The following FAT4 variants were observed in gnomAD, a reference collection of about 807,000 sequenced individuals.
The protein encoded by FAT4 is protocadherin Fat 4.
Under a neutral mutation model 303.9 loss-of-function variants are expected in FAT4, and 84 were observed. The observed-to-expected ratio is 0.28, with a 90% CI of 0.23 to 0.33. The LOEUF (loss-of-function observed/expected upper bound fraction) is 0.33. FAT4 is among the 10% of genes least tolerant of loss of function. The pLI is 1.00. For synonymous variants in FAT4, 2,307 were observed against 2,298.8 expected, an observed-to-expected ratio of 1.00 and a Z score of -0.10; for missense variants, 6,005 against 6,146.8, an observed-to-expected ratio of 0.98 and a Z score of 0.77.
intron 7 of FAT4, among the ~76,000 whole-genome samples, chr4:125,429,634 G>A (rs1725214127): frequency 3.3e-5 from 5 of 152,136 alleles, no homozygotes; most frequent in Admixed American, 6.5e-5. Context: ...AGCAATACAT[G>A]TATAAAATAT....
chr4:125,447,970 A>G (rs992741316), intron 9 of FAT4, among the ~76,000 whole-genome samples: 2 of 152,140 alleles, frequency 1.3e-5, no homozygotes, highest in African/African-American at 4.8e-5. Context: ...CAGTGGGGAC[A>G]AGGAATAAAT....
chr4:125,406,939 C>G lies in FAT4; in HGVS notation c.5367C>G (p.Ile1789Met), dbSNP rs144922340. 1.2e-6 allele frequency: 2 copies of G among 1,613,690 alleles called. No individual in the cohort carries two copies. The highest frequency in any genetic ancestry group is 1.7e-5 in the Admixed American group (1 of 59,948). ...GTGGAGCTGATGATAGTTTTCGCAT[C>G]GACCCAGAATCCGGAGATCTGATAG... Reference protein sequence around the residue: ...IISGADDSFRIDPESGDLIAT... With the variant: ...IISGADDSFRMDPESGDLIAT... Residue 1789 changes from isoleucine to methionine, a missense_variant, in exon 4 of 18, where the codon ATC becomes ATG. Ile to Met is a conservative substitution (Grantham distance 10, BLOSUM62 1). Coordinates refer to ENST00000394329, the MANE Select transcript of FAT4 (RefSeq NM_001291303.3).
intron 3 of FAT4, among the ~76,000 whole-genome samples, chr4:125,402,989 AT>A (rs1431890389): frequency 6.6e-6 from 1 of 151,996 alleles, no homozygotes; most frequent in Admixed American, 6.6e-5. Flanking sequence ...CTGATACTGT[AT>A]TTTCCCATGG....
intron 7 of FAT4, among the ~76,000 whole-genome samples, chr4:125,421,143 G>A (rs1438573497): frequency 1.3e-5 from 2 of 152,044 alleles, no homozygotes; most frequent in African/African-American, 2.4e-5. Flanking sequence ...GGCTGGTCTC[G>A]AACCCCTGAG....
rs28515675 is a variant in FAT4, at chr4:125,468,677, G to A, written c.12071G>A (p.Arg4024Gln). Reference sequence around the variant, plus strand: ...AACTATGACAACCAGACAGGCGACCGGGCTGAGTTTTTGGCCCTTGAAATT... The same window carrying A: ...AACTATGACAACCAGACAGGCGACCAGGCTGAGTTTTTGGCCCTTGAAATT... ...LYNYDNQTGD[R>Q]AEFLALEIAE... The change falls in exon 12 of 18, where the codon CGG (arginine) becomes CAG (glutamine). Residue 4024 changes from arginine to glutamine, a missense_variant. Coordinates refer to ENST00000394329, the MANE Select transcript of FAT4 (RefSeq NM_001291303.3). 2,140 of 1,614,078 alleles carry A rather than the reference G, an allele frequency of 1.3e-3. 31 individuals carry two copies. In the African/African-American group the frequency reaches 0.024, roughly 18 times the overall value.
intron 7 of FAT4, among the ~76,000 whole-genome samples, chr4:125,417,314 T>C (rs1735114654): frequency 6.6e-6 from 1 of 151,980 alleles, no homozygotes; most frequent in South Asian, 2.1e-4. Flanking sequence ...GGTGAGTGAG[T>C]CTGTTAGGAG....
chr4:125,453,369 C>T (rs17009686), intron 10 of FAT4, among the ~76,000 whole-genome samples: 3,252 of 152,190 alleles, frequency 0.021, 127 homozygotes, highest in African/African-American at 0.075. Context: ...ATGTGATCCA[C>T]ATCGTGAGAA....
intron 11 of FAT4, 150 bp from the exon 12 acceptor site, chr4:125,468,362 A>G (rs1455891462): frequency 4.1e-6 from 2 of 484,782 alleles, no homozygotes; most frequent in African/African-American, 4.0e-5. Context: ...ATCATTAACT[A>G]TTTTAATTTT....
intron 7 of FAT4, among the ~76,000 whole-genome samples, chr4:125,419,067 A>G (rs1463155504): frequency 6.6e-6 from 1 of 152,228 alleles, no homozygotes; most frequent in Non-Finnish European, 1.5e-5. Flanking sequence ...CCTACCTCTG[A>G]CATTCCCAGC....
At position 125,481,640 on chromosome 4, in the gene FAT4, C is replaced by G; in HGVS notation, c.12724C>G (p.Pro4242Ala). 3 of 1,613,958 alleles carry G rather than the reference C, an allele frequency of 1.9e-6. No individual in the cohort carries two copies. Among genetic ancestry groups the G allele is most frequent in the Non-Finnish European group, 2.5e-6 (3 of 1,179,946 alleles). ...AAGCTTACGAGGTGCCATGTTGGAG[C>G]CTTTTGGTGTGAACAGTCTGGAAGT... ...RQSLRGAMLE[P>A]FGVNSLEVKF... The change falls in exon 16 of 18, where the codon CCT (proline) becomes GCT (alanine). Residue 4242 changes from proline to alanine, a missense_variant. Coordinates refer to ENST00000394329, the MANE Select transcript of FAT4 (RefSeq NM_001291303.3).
intron 12 of FAT4, 43 bp from the exon 13 acceptor site, chr4:125,476,128 C>T (rs1007746988): frequency 1.3e-5 from 16 of 1,277,928 alleles, no homozygotes; most frequent in East Asian, 1.2e-4. Context: ...CTAATAGGGA[C>T]GGTAGAACTC....
In FAT4 at chr4:125,446,380, A is replaced by G. The variant is rs768964334; in HGVS notation, c.7287A>G (p.Thr2429=). The G allele has an allele frequency of 1.2e-6, 2 of 1,613,470 alleles. No homozygotes were observed. The highest frequency in any genetic ancestry group is 2.7e-5 in the African/African-American group (2 of 74,906). ...CCAGCGCATTGTTAGATAGGGAAACAAAAGATAATTATACTTTGGTAGTGG... is the reference window on the plus strand; with the variant it reads ...CCAGCGCATTGTTAGATAGGGAAACGAAAGATAATTATACTTTGGTAGTGG... The part of the protein sequence containing the change: ...IITSALLDRE[T]KDNYTLVVVC... Residue 2429 remains threonine (T), a synonymous_variant, in exon 9 of 18, where the codon ACA becomes ACG. Coordinates refer to ENST00000394329, the MANE Select transcript of FAT4 (RefSeq NM_001291303.3).
chr4:125,368,002 T>A (rs1181955623), intron 2 of FAT4, among the ~76,000 whole-genome samples: 1 of 152,128 alleles, frequency 6.6e-6, no homozygotes, highest in African/African-American at 2.4e-5. Flanking sequence ...CCAGTTTTTT[T>A]CCCCCTTCCG....
rs748961751 is a variant in FAT4 at position 125,491,102 on chromosome 4, A to G, written c.14286A>G (p.Ala4762=). Residue 4762 remains alanine (A), a synonymous_variant, in exon 18 of 18, where the codon GCA becomes GCG. Coordinates refer to ENST00000394329, the MANE Select transcript of FAT4 (RefSeq NM_001291303.3). ...GRRSKSPQAM[A]SHGSRPGSRL... is the part of the protein sequence containing the mutation. Reference sequence around the variant, plus strand: ...GAAGCAAGAGTCCTCAGGCCATGGCATCACATGGTTCTAGACCAGGGAGTC... The same window carrying G: ...GAAGCAAGAGTCCTCAGGCCATGGCGTCACATGGTTCTAGACCAGGGAGTC... 2.2e-5 allele frequency: 36 copies of G among 1,614,100 alleles called. 4 individuals carry two copies. In the South Asian group the frequency reaches 3.8e-4, roughly 17 times the overall value.
At chr4:125,474,599 A>T (rs72675375) in intron 12 of FAT4, among the ~76,000 whole-genome samples, 1 of 152,140 alleles carries the variant, frequency 6.6e-6, no homozygotes, top group Non-Finnish European at 1.5e-5. Flanking sequence ...AGCTTATAAT[A>T]ATTAACTTAG....
In FAT4 at chr4:125,446,545, T is replaced by C; in HGVS notation, c.7450+2T>C. On this transcript the variant is annotated splice_donor_variant, in intron 9 of 17. Coordinates refer to ENST00000394329, the MANE Select transcript of FAT4 (RefSeq NM_001291303.3). LOFTEE classifies it high-confidence loss of function. ...ACATCCCATCTCCTACTCTTCCAGG[T>C]AATCAACCAAATTCTGAGGCCACAT... The C allele has an allele frequency of 6.2e-7, 1 of 1,603,816 alleles. No homozygotes were observed. Among genetic ancestry groups the C allele is most frequent in the Non-Finnish European group, 8.5e-7 (1 of 1,172,278 alleles).
intron 7 of FAT4, among the ~76,000 whole-genome samples, chr4:125,424,430 C>T (rs28453293): frequency 0.46 from 69,323 of 151,978 alleles, 15,963 homozygotes; most frequent in African/African-American, 0.49. Flanking sequence ...GATTCTGCCA[C>T]GATTATAAGT....
intron 8 of FAT4, 99 bp from the exon 9 acceptor site, chr4:125,446,194 C>T (rs1042599804): frequency 2.0e-5 from 20 of 979,582 alleles, no homozygotes; most frequent in East Asian, 2.5e-5. Flanking sequence ...TTTCTTGTAA[C>T]GTTTTCTTGC....
At chr4:125,393,660 A>G (rs766614635) in intron 2 of FAT4, among the ~76,000 whole-genome samples, 9 of 152,338 alleles carry the variant, frequency 5.9e-5, no homozygotes, top group Admixed American at 1.3e-4. Context: ...TTTAGTTTTA[A>G]AATATCCATT....
Sources: allele counts gnomAD v4.1 joint callset (sites outside exome capture counted in the v4.1 genomes callset), GRCh38; gene constraint gnomAD v4.1.1; transcripts MANE v1.5; gene names NCBI Gene and HGNC (gene_info 2026-07-23, HGNC 2026-07-21).